HBS1L: variants seen among roughly 807,000 people sequenced by gnomAD.
The protein encoded by HBS1L is HBS1 like translational GTPase.
HBS1L carries 55 observed loss-of-function variants against 88.9 expected under a neutral mutation model. The ratio of observed to expected loss-of-function variants is 0.62; its 90% confidence interval spans 0.50 to 0.77. HBS1L has a LOEUF of 0.77. HBS1L is among the 30% of genes least tolerant of loss of function. The pLI, the probability that HBS1L is intolerant of heterozygous loss-of-function variation, is 0.00. For missense variants in HBS1L, 741 were observed against 829.3 expected (o/e 0.89, Z 1.31); for synonymous variants, 267 against 288.5 (o/e 0.93, Z 0.76).
intron 4 of HBS1L, among the ~76,000 whole-genome samples, chr6:135,026,686 A>C (rs1776235561): frequency 6.6e-6 from 1 of 152,212 alleles, no homozygotes; most frequent in Non-Finnish European, 1.5e-5. Context: ...TCATGATATT[A>C]ATGCTAAACT....
chr6:134,975,094 C>G (rs1414392614), intron 15 of HBS1L, among the ~76,000 whole-genome samples: 2 of 152,078 alleles, frequency 1.3e-5, no homozygotes, highest in African/African-American at 2.4e-5. Context: ...GTACACAAAT[C>G]AGTAGCACCA....
At chr6:134,972,569 T>A (rs1035685908) in intron 15 of HBS1L, among the ~76,000 whole-genome samples, 1 of 152,098 alleles carries the variant, frequency 6.6e-6, no homozygotes, top group Non-Finnish European at 1.5e-5. Context: ...ACCAAAAACA[T>A]AGGCAACAAA....
chr6:135,025,090 A>G (rs1307330000), intron 4 of HBS1L, among the ~76,000 whole-genome samples: 1 of 152,218 alleles, frequency 6.6e-6, no homozygotes, highest in African/African-American at 2.4e-5. Context: ...CCCTTGGAAA[A>G]ATACATCCAG....
chr6:134,969,204 TGC>T, intron 16 of HBS1L, 32 bp downstream of exon 16: 3 of 1,427,406 alleles, frequency 2.1e-6, no homozygotes, highest in Non-Finnish European at 3.0e-6. Flanking sequence ...TGGCTTAAAT[TGC>T]TTGTTTATCA....
At chr6:134,976,541 G>A (rs1774652875) in intron 15 of HBS1L, among the ~76,000 whole-genome samples, 1 of 152,106 alleles carries the variant, frequency 6.6e-6, no homozygotes, top group Admixed American at 6.6e-5. Flanking sequence ...TAGAGAAAAC[G>A]TATATGTACA....
chr6:135,039,634 A>G lies in HBS1L; in HGVS notation c.369T>C (p.Asp123=). The G allele has an allele frequency of 6.2e-7, 1 of 1,614,126 alleles. No homozygotes were observed. The highest frequency in any genetic ancestry group is 8.5e-7 in the Non-Finnish European group (1 of 1,180,002). The change falls in exon 4 of 18, where the codon GAT becomes GAC. Residue 123 remains aspartate (D), a synonymous_variant. Coordinates refer to ENST00000367837, the MANE Select transcript of HBS1L (RefSeq NM_006620.4). ...TCTTGTCCTTCAAACTCTGCACTCT[A>G]TCTTGTTCCAGAACCCCTGACAAAG... ...QKALSGVLEQ[D]RVQSLKDKNE... is the part of the protein sequence containing the mutation.
intron 4 of HBS1L, among the ~76,000 whole-genome samples, chr6:135,005,070 A>G (rs1460632981): frequency 6.6e-6 from 1 of 152,230 alleles, no homozygotes; most frequent in Non-Finnish European, 1.5e-5. Flanking sequence ...GCTCTGGGCC[A>G]GTCAACTGAA....
intron 4 of HBS1L, among the ~76,000 whole-genome samples, chr6:135,022,425 G>C (rs998650614): frequency 4.6e-5 from 7 of 151,938 alleles, no homozygotes; most frequent in African/African-American, 1.7e-4. Flanking sequence ...ACAGTTTTGA[G>C]AGTCTAAAGC....
At chr6:135,027,188 A>C (rs1351120312) in intron 4 of HBS1L, 1 of 31,490 alleles carries the variant, frequency 3.2e-5, no homozygotes, top group African/African-American at 1.5e-4. Flanking sequence ...ACTCTATCTC[A>C]AAAAAAAAAA....
At chr6:135,027,516 GC>G (rs1327354536) in intron 4 of HBS1L, among the ~76,000 whole-genome samples, 1 of 152,112 alleles carries the variant, frequency 6.6e-6, no homozygotes, top group Non-Finnish European at 1.5e-5. Context: ...GAACCCATCA[GC>G]CACTGCAAAT....
At chr6:134,968,216 A>G (rs974167097) in intron 16 of HBS1L, among the ~76,000 whole-genome samples, 1 of 151,970 alleles carries the variant, frequency 6.6e-6, no homozygotes, top group South Asian at 2.1e-4. Context: ...AACTGCAATT[A>G]GCCTTAACTT....
chr6:134,968,337 C>T (rs554925817), intron 16 of HBS1L, among the ~76,000 whole-genome samples: 44 of 152,074 alleles, frequency 2.9e-4, no homozygotes, highest in African/African-American at 1.0e-3. Flanking sequence ...CAACCTCCGC[C>T]CACCGGGTTC....
intron 9 of HBS1L, among the ~76,000 whole-genome samples, 200 bp from the exon 10 acceptor site, chr6:134,987,010 CA>C (rs1774996761): frequency 6.6e-6 from 1 of 152,068 alleles, no homozygotes; most frequent in African/African-American, 2.4e-5. Flanking sequence ...GCATTTTAAT[CA>C]GGTTCAGCAA....
At chr6:134,997,371 C>T (rs368286892) in intron 6 of HBS1L, 26 bp downstream of exon 6, 26 of 1,611,988 alleles carry the variant, frequency 1.6e-5, no homozygotes, top group East Asian at 1.6e-4. Context: ...GGCTGGCTGA[C>T]GATCCAGAGG....
chr6:135,028,965 A>G (rs902816256), intron 4 of HBS1L, among the ~76,000 whole-genome samples: 3 of 152,052 alleles, frequency 2.0e-5, no homozygotes, highest in Non-Finnish European at 4.4e-5. Context: ...AAGGAGTGAA[A>G]AAAATAAGAC....
Position 134,966,353 on chromosome 6 carries a change from T to C in HBS1L, c.2019A>G (p.Thr673=), listed in dbSNP as rs1426412741. ...CCTCAGTGACAACACCAGCAGCTAT[T>C]GTAGAACCACCGTAACGTAGCATGA... ...GRFMLRYGGS[T]IAAGVVTEIK... The change falls in exon 17 of 18, where the codon ACA becomes ACG. Residue 673 remains threonine (T), a synonymous_variant. Coordinates refer to ENST00000367837, the MANE Select transcript of HBS1L (RefSeq NM_006620.4). 66 of 1,612,334 alleles carry C rather than the reference T, an allele frequency of 4.1e-5. No homozygotes were observed. Among genetic ancestry groups the C allele is most frequent in the Non-Finnish European group, 5.6e-5 (66 of 1,179,102 alleles).
chr6:135,042,813 C>CA (rs1210606631), intron 2 of HBS1L, among the ~76,000 whole-genome samples: 1,045 of 67,504 alleles, frequency 0.015, 12 homozygotes, highest in African/African-American at 0.045. Flanking sequence ...AACTCCGTCT[C>CA]AAAAAAAAAA....
chr6:134,975,615 C>T (rs551418613), intron 15 of HBS1L, among the ~76,000 whole-genome samples: 2 of 152,248 alleles, frequency 1.3e-5, no homozygotes, highest in South Asian at 4.2e-4. Flanking sequence ...TACTTAACAA[C>T]CAACTAATCT....
At chr6:135,047,176 G>A (rs9399135) in intron 2 of HBS1L, among the ~76,000 whole-genome samples, 93,167 of 152,058 alleles carry the variant, frequency 0.61, 30,537 homozygotes, top group African/African-American at 0.87. Context: ...TGTCCTCAAG[G>A]AAGCTAGGCC....
Sources: allele counts gnomAD v4.1 joint callset (sites outside exome capture counted in the v4.1 genomes callset), GRCh38; gene constraint gnomAD v4.1.1; transcripts MANE v1.5; gene names NCBI Gene and HGNC (gene_info 2026-07-23, HGNC 2026-07-21).